SLC29A1: variants seen among roughly 807,000 people sequenced by gnomAD.
The protein encoded by SLC29A1 is solute carrier family 29 member 1 (Augustine blood group), also known as equilibrative nucleoside transporter 1.
A neutral mutation model predicts 48.3 loss-of-function variants in SLC29A1; 22 were observed. The ratio of observed to expected loss-of-function variants is 0.46; its 90% confidence interval spans 0.33 to 0.65. The LOEUF is 0.65. Ranked by LOEUF, SLC29A1 falls within the 30% of genes least tolerant of loss-of-function variation. The pLI is 0.03. For missense variants in SLC29A1, 491 were observed against 575.3 expected, an observed-to-expected ratio of 0.85 and a Z score of 1.50; for synonymous variants, 228 against 231.0, an observed-to-expected ratio of 0.99 and a Z score of 0.12.
rs1429321806 is a variant in SLC29A1 at position 44,232,897 on chromosome 6, C to T, written c.1150C>T (p.Arg384Cys). The change falls in exon 12 of 13, where the codon CGC becomes TGC. Residue 384 changes from arginine to cysteine, a missense_variant. Physicochemically the swap from Arg to Cys is radical, Grantham distance 180. Coordinates refer to ENST00000371755, the MANE Select transcript of SLC29A1 (RefSeq NM_001372327.1). The surrounding 1 kb of genome is among the most constrained non-coding windows in gnomAD (Gnocchi z 4.7). ...GCTGCTGTGCAACATTAAGCCCCGCCGCTACCTGACTGTGGTCTTCGAGCA... is the reference window on the plus strand; with the variant it reads ...GCTGCTGTGCAACATTAAGCCCCGCTGCTACCTGACTGTGGTCTTCGAGCA... Reference protein sequence around the residue: ...LLLLCNIKPRRYLTVVFEHDA... With the variant: ...LLLLCNIKPRCYLTVVFEHDA... 6.8e-6 allele frequency: 11 copies of T among 1,614,032 alleles called. No individual in the cohort carries two copies. Among genetic ancestry groups the T allele is most frequent in the Non-Finnish European group, 7.6e-6 (9 of 1,180,036 alleles).
chr6:44,228,523 C>T (rs1454152764), intron 2 of SLC29A1, among the ~76,000 whole-genome samples: 1 of 151,548 alleles, frequency 6.6e-6, no homozygotes, highest in Non-Finnish European at 1.5e-5. Flanking sequence ...TCTGGCCAGG[C>T]CTGTCTTCTC....
Position 44,229,938 on chromosome 6 carries a change from C to G in SLC29A1, c.346C>G (p.Leu116Val), listed in dbSNP as rs1778448969. 11 of 1,613,598 alleles carry G rather than the reference C, an allele frequency of 6.8e-6. No homozygotes were observed. The highest frequency in any genetic ancestry group is 9.3e-6 in the Non-Finnish European group (11 of 1,180,024). The stretch of plus-strand genomic sequence containing the variant: ...CCAGTCCGTACGGATCCTGGGCAGC[C>G]TGGTGGCCATCCTGCTGGTGTTTCT... ...IPQSVRILGS[L>V]VAILLVFLIT... The change falls in exon 5 of 13, where the codon CTG becomes GTG. Residue 116 changes from leucine (L) to valine (V), a missense_variant. Leu to Val is a conservative substitution (Grantham distance 32). Transcript: ENST00000371755. This position sits in a 1 kb window ranked among gnomAD's most constrained non-coding sequence, Gnocchi z 5.1.
At chr6:44,224,135 G>C (rs1776963584) in intron 1 of SLC29A1, among the ~76,000 whole-genome samples, 1 of 152,016 alleles carries the variant, frequency 6.6e-6, no homozygotes, top group African/African-American at 2.4e-5. Flanking sequence ...TCCTGCGCAC[G>C]TCTTCATTTA....
chr6:44,224,808 A>C (rs1157657569), intron 1 of SLC29A1, among the ~76,000 whole-genome samples: 1 of 152,160 alleles, frequency 6.6e-6, no homozygotes, highest in Non-Finnish European at 1.5e-5. Context: ...AGGCCAAGGC[A>C]TAGTTGGAGG....
upstream of SLC29A1, among the ~76,000 whole-genome samples, chr6:44,223,005 G>T (rs922831277): frequency 6.6e-6 from 1 of 152,218 alleles, no homozygotes; most frequent in African/African-American, 2.4e-5. The surrounding 1 kb of genome is among the most constrained non-coding windows in gnomAD (Gnocchi z 5.0). Flanking sequence ...CTGTGGCTGG[G>T]ACTGGATGTG....
At position 44,223,716 on chromosome 6, in the gene SLC29A1, G is replaced by A; in HGVS notation, c.-52+75G>A. The A allele has an allele frequency of 1.8e-6, 2 of 1,082,504 alleles. No homozygotes were observed. Among genetic ancestry groups the A allele is most frequent in the South Asian group, 4.3e-5 (2 of 46,670 alleles). The allele number at this position is 1,082,504 out of a possible 1,614,324, so 67.1% of individuals were successfully genotyped here. ...ACGCCGCTGCCCGCCTGCCACGGAG[G>A]GCAGGGAGGGCGGGCCTGACGGCTC... On this transcript the variant is annotated intron_variant, in intron 1 of 12. Coordinates refer to ENST00000371755, the MANE Select transcript of SLC29A1 (RefSeq NM_001372327.1). The surrounding 1 kb of genome is among the most constrained non-coding windows in gnomAD (Gnocchi z 5.0).
Position 44,232,335 on chromosome 6 carries a change from T to G in SLC29A1, c.974-8T>G, listed in dbSNP as rs764403623. 6.2e-7 allele frequency: 1 copy of G among 1,605,892 alleles called. No homozygotes were observed. The highest frequency in any genetic ancestry group is 8.5e-7 in the Non-Finnish European group (1 of 1,172,446). On this transcript the variant is annotated splice_region_variant and splice_polypyrimidine_tract_variant and intron_variant, in intron 10 of 12. Transcript: ENST00000371755. This position sits in a 1 kb window ranked among gnomAD's most constrained non-coding sequence, Gnocchi z 4.7. The stretch of plus-strand genomic sequence containing the variant: ...GCCTGATAACCACCCGTTCATCTCC[T>G]CTTCCAGAACGTTACTTCATTCCTG...
rs1561887013 is a variant in SLC29A1, at chr6:44,232,297, C to T, written c.974-46C>T. On this transcript the variant is annotated intron_variant, in intron 10 of 12. Coordinates refer to ENST00000371755, the MANE Select transcript of SLC29A1 (RefSeq NM_001372327.1). The surrounding 1 kb of genome is among the most constrained non-coding windows in gnomAD (Gnocchi z 4.7). ...CCCAGTGAAGGTTAGGCTTGCTATA[C>T]CTGCCTCTGTGAGCCTGATAACCAC... 1 of 1,390,706 alleles carries T rather than the reference C, an allele frequency of 7.2e-7. No homozygotes were observed. Among genetic ancestry groups the T allele is most frequent in the Non-Finnish European group, 1.0e-6 (1 of 976,170 alleles). The allele number at this position is 1,390,706 out of a possible 1,614,324, so 86.1% of individuals were successfully genotyped here.
At position 44,233,944 on chromosome 6, in the gene SLC29A1, A is replaced by C; in HGVS notation, c.*416A>C. ...CTGGGTCTGACCGTTGTATGGTTTGACCTGATATACTCCATTCTCCCCTGC... is the reference window on the plus strand; with the variant it reads ...CTGGGTCTGACCGTTGTATGGTTTGCCCTGATATACTCCATTCTCCCCTGC... On this transcript the variant is annotated 3_prime_UTR_variant, in exon 13 of 13. Transcript: ENST00000371755. 5.0e-6 allele frequency: 1 copy of C among 200,268 alleles called. No individual in the cohort carries two copies. 12.4% of individuals were successfully genotyped at this position (200,268 alleles called of 1,614,324 possible).
chr6:44,233,267 G>A (rs1779299805), intron 12 of SLC29A1, 150 bp from the exon 13 acceptor site: 2 of 767,432 alleles, frequency 2.6e-6, no homozygotes, highest in Non-Finnish European at 4.5e-6. Context: ...AGGAGGAGAA[G>A]CCAGGTTGGG....
upstream of SLC29A1, among the ~76,000 whole-genome samples, chr6:44,220,327 G>A (rs536167693): frequency 1.0e-4 from 15 of 148,614 alleles, no homozygotes; most frequent in East Asian, 2.8e-3. Context: ...ACAGGCATGC[G>A]TCAACATGCT....
At chr6:44,230,325 C>G in intron 5 of SLC29A1, 22 bp from the exon 6 acceptor site, 1 of 1,602,712 alleles carries the variant, frequency 6.2e-7, no homozygotes, top group Non-Finnish European at 8.5e-7. Context: ...CTCCCCTGCT[C>G]ATGCCCGCCC....
At chr6:44,226,893 T>G in intron 1 of SLC29A1, 2 of 1,059,834 alleles carry the variant, frequency 1.9e-6, no homozygotes, top group South Asian at 6.1e-5. Flanking sequence ...CTCGTCCTCT[T>G]GCCTGCCTTC....
chr6:44,221,234 C>A (rs953759785), upstream of SLC29A1, among the ~76,000 whole-genome samples: 1 of 152,136 alleles, frequency 6.6e-6, no homozygotes, highest in Non-Finnish European at 1.5e-5. The surrounding 1 kb of genome is among the most constrained non-coding windows in gnomAD (Gnocchi z 4.2). Context: ...ACATTTTACA[C>A]CCCTGGCAAG....
rs889683446 is a variant in SLC29A1, at chr6:44,233,757, G to A, written c.*229G>A. The A allele has an allele frequency of 8.9e-6, 5 of 560,742 alleles. No homozygotes were observed. Among genetic ancestry groups the A allele is most frequent in the African/African-American group, 3.8e-5 (2 of 52,936 alleles). 34.7% of individuals were successfully genotyped at this position (560,742 alleles called of 1,614,324 possible). On this transcript the variant is annotated 3_prime_UTR_variant, in exon 13 of 13. Transcript: ENST00000371755. ...GAGTCGAGGGACGGGGTGTAGCCTC[G>A]GCATTTGCTTGAGTTTCTCCACTCT...
rs1482913128 is a variant in SLC29A1, at chr6:44,231,981, C to T, written c.865-17C>T. 1 of 1,577,440 alleles carries T rather than the reference C, an allele frequency of 6.3e-7. No homozygotes were observed. The highest frequency in any genetic ancestry group is 1.3e-5 in the African/African-American group (1 of 74,148). On this transcript the variant is annotated splice_polypyrimidine_tract_variant and intron_variant, in intron 9 of 12. Coordinates refer to ENST00000371755, the MANE Select transcript of SLC29A1 (RefSeq NM_001372327.1). ...TGAAGACACAGGCATTTGGGTGACTCTACCCCTTCTATCTAGATCTCAGTC... is the reference window on the plus strand; with the variant it reads ...TGAAGACACAGGCATTTGGGTGACTTTACCCCTTCTATCTAGATCTCAGTC...
chr6:44,223,514 G>T (rs558204116), upstream of SLC29A1: 16 of 1,077,694 alleles, frequency 1.5e-5, no homozygotes, highest in Admixed American at 2.1e-4. The surrounding 1 kb of genome is among the most constrained non-coding windows in gnomAD (Gnocchi z 5.0). Context: ...GCGGGCGTCG[G>T]GGAGGTGGCA....
rs532283884 is a variant in SLC29A1 at position 44,233,699 on chromosome 6, C to T, written c.*171C>T. ...AGGCCCTGGGGAGGGAGCCTCTGGA[C>T]GGACAGTGGGGACATTGTGGGTTTG... On this transcript the variant is annotated 3_prime_UTR_variant, in exon 13 of 13. Transcript: ENST00000371755. The T allele has an allele frequency of 2.3e-4, 140 of 615,028 alleles. No homozygotes were observed. Among genetic ancestry groups the T allele is most frequent in the South Asian group, 1.8e-3 (93 of 51,578 alleles). 38.1% of individuals were successfully genotyped at this position (615,028 alleles called of 1,614,324 possible).
chr6:44,225,993 A>G (rs750058365), intron 1 of SLC29A1: 6 of 523,850 alleles, frequency 1.1e-5, no homozygotes, highest in South Asian at 8.1e-5. Flanking sequence ...ATGGGGCCCC[A>G]TGAAGCCTGA....
Sources: allele counts gnomAD v4.1 joint callset (sites outside exome capture counted in the v4.1 genomes callset), GRCh38; gene constraint gnomAD v4.1.1; non-coding constraint Gnocchi (gnomAD v3.1); transcripts MANE v1.5; gene names NCBI Gene and HGNC (gene_info 2026-07-23, HGNC 2026-07-21).